COG4: variants seen among roughly 807,000 people sequenced by gnomAD.
COG4 encodes the protein component of oligomeric golgi complex 4, also known as conserved oligomeric Golgi complex subunit 4.
In COG4, 65 loss-of-function variants were observed where a neutral mutation model predicts 95.1. That is an observed-to-expected ratio of 0.68 (90% CI 0.56 to 0.84). COG4 has a LOEUF of 0.84. Ranked by LOEUF, COG4 falls within the 40% of genes least tolerant of loss-of-function variation. The pLI, the probability that COG4 is intolerant of heterozygous loss-of-function variation, is 0.00. For missense variants in COG4, 1,045 were observed against 989.1 expected (o/e 1.06, Z -0.76); for synonymous variants, 421 against 374.8 (o/e 1.12, Z -1.42).
chr16:70,498,243 T>C (rs775651130), intron 9 of COG4, among the ~76,000 whole-genome samples, 188 bp from the exon 10 acceptor site: 1 of 152,066 alleles, frequency 6.6e-6, no homozygotes, highest in African/African-American at 2.4e-5. Context: ...ATATTTTCCA[T>C]GTTTTCACCT....
chr16:70,506,106 C>A (rs2049560610), intron 8 of COG4, among the ~76,000 whole-genome samples: 1 of 150,130 alleles, frequency 6.7e-6, no homozygotes, highest in African/African-American at 2.5e-5. Flanking sequence ...AATGGCAAAA[C>A]CTCATCTCAG....
chr16:70,510,517 G>A (rs1173778616), intron 5 of COG4, among the ~76,000 whole-genome samples: 1 of 151,610 alleles, frequency 6.6e-6, no homozygotes, highest in Non-Finnish European at 1.5e-5. Context: ...TAGAGATGGG[G>A]TCCTGCTATG....
chr16:70,482,355 C>T, intron 15 of COG4, 180 bp from the exon 16 acceptor site: 1 of 680,986 alleles, frequency 1.5e-6, no homozygotes, highest in Non-Finnish European at 2.7e-6. Flanking sequence ...CAGCAAACAG[C>T]CCAGGGCTGT....
intron 8 of COG4, among the ~76,000 whole-genome samples, chr16:70,504,228 G>A (rs1201230361): frequency 6.6e-6 from 1 of 152,046 alleles, no homozygotes; most frequent in Non-Finnish European, 1.5e-5. Flanking sequence ...TACCCCCCTG[G>A]GGTATTTTAG....
intron 13 of COG4, among the ~76,000 whole-genome samples, chr16:70,485,442 G>A (rs1395866178): frequency 4.0e-5 from 6 of 151,660 alleles, no homozygotes; most frequent in Non-Finnish European, 8.8e-5. Flanking sequence ...GACCTCAGGT[G>A]ATCCACCCGC....
Position 70,480,752 on chromosome 16 carries a change from G to A in COG4, c.*258C>T, listed in dbSNP as rs547912487. 26 of 523,776 alleles carry A rather than the reference G, an allele frequency of 5.0e-5. No individual in the cohort carries two copies. The highest frequency in any genetic ancestry group is 4.3e-4 in the South Asian group (21 of 48,860). The allele number at this position is 523,776 out of a possible 1,614,324, so 32.4% of individuals were successfully genotyped here. ...TGCAGAAAGCTGGCCTGGGCTGCTCGCTGCCTGCCGTGGCTTTCCCACCTC... is the reference window on the plus strand; with the variant it reads ...TGCAGAAAGCTGGCCTGGGCTGCTCACTGCCTGCCGTGGCTTTCCCACCTC... On this transcript the variant is annotated 3_prime_UTR_variant, in exon 19 of 19. Coordinates refer to ENST00000323786, the MANE Select transcript of COG4 (RefSeq NM_015386.3).
chr16:70,492,447 T>C (rs1199935383), intron 12 of COG4, among the ~76,000 whole-genome samples: 1 of 151,846 alleles, frequency 6.6e-6, no homozygotes, highest in Admixed American at 6.6e-5. Context: ...TCACCTGAGG[T>C]TGGGAGTTCG....
intron 7 of COG4, chr16:70,509,016 C>T (rs2049639942): frequency 1.4e-5 from 9 of 621,662 alleles, no homozygotes; most frequent in South Asian, 1.3e-4. Context: ...TTTTTATTTC[C>T]GTTTTGGTCT....
At chr16:70,483,582 C>T (rs921808086) in intron 14 of COG4, among the ~76,000 whole-genome samples, 2 of 152,150 alleles carry the variant, frequency 1.3e-5, no homozygotes, top group African/African-American at 4.8e-5. Context: ...GCTCCACTTC[C>T]TCTGAGCATC....
rs748356993 is a variant in COG4 at position 70,508,414 on chromosome 16, G to A, written c.1053C>T (p.Ile351=). The change falls in exon 8 of 19, where the codon ATC becomes ATT. Residue 351 remains isoleucine (I), a synonymous_variant. Transcript: ENST00000323786. ...NLMRNSTTEK[I]EPRELDPILT... is the part of the protein sequence containing the mutation. The stretch of plus-strand genomic sequence containing the variant: ...GAGAGAAGGATTATTACCTTGGTTC[G>A]ATTTTTTCTGTTGTAGAATTTCTCA... 7.4e-6 allele frequency: 12 copies of A among 1,613,568 alleles called. No individual in the cohort carries two copies. The highest frequency in any genetic ancestry group is 1.6e-4 in the Middle Eastern group (1 of 6,084).
At position 70,481,140 on chromosome 16, in the gene COG4, G is replaced by T. The variant is rs201649488; in HGVS notation, c.2240C>A (p.Thr747Asn). ...MATILNLERV[T>N]EILDYWGPNS... is the part of the protein sequence containing the mutation. ...GGGTCCCCAGTAATCGAGGATCTCG[G>T]TCACCTGTGGGGAAGGACATAGAGA... Residue 747 changes from threonine (T) to asparagine (N), a missense_variant, in exon 19 of 19, where the codon ACC becomes AAC. By Grantham distance (65) the Thr-to-Asn change is moderately conservative. Coordinates refer to ENST00000323786, the MANE Select transcript of COG4 (RefSeq NM_015386.3). 8 of 1,613,362 alleles carry T rather than the reference G, an allele frequency of 5.0e-6. No homozygotes were observed. In the East Asian group the frequency reaches 1.8e-4, roughly 36 times the overall value.
Position 70,488,071 on chromosome 16 carries a change from C to T in COG4, c.1710+2259G>A, listed in dbSNP as rs147693631. ...AACTCCTGACCTCAGGTAATCCTCCCGCCTTGGCATCCCAAAGTGCTGGGG... is the reference window on the plus strand; with the variant it reads ...AACTCCTGACCTCAGGTAATCCTCCTGCCTTGGCATCCCAAAGTGCTGGGG... On this transcript the variant is annotated intron_variant, in intron 13 of 18. Coordinates refer to ENST00000323786, the MANE Select transcript of COG4 (RefSeq NM_015386.3). Among the ~76,000 whole-genome samples the T allele has an allele frequency of 2.8e-3, 419 of 152,000 alleles. 1 individual carries two copies. Among genetic ancestry groups the T allele is most frequent in the Admixed American group, 0.012 (189 of 15,266 alleles).
chr16:70,503,287 A>G (rs1035051834), intron 8 of COG4, among the ~76,000 whole-genome samples: 1 of 152,166 alleles, frequency 6.6e-6, no homozygotes, highest in African/African-American at 2.4e-5. Flanking sequence ...CCTGGGCTCA[A>G]GTGATCTGCC....
intron 5 of COG4, 75 bp downstream of exon 5, chr16:70,512,164 A>G: frequency 7.3e-7 from 1 of 1,362,460 alleles, no homozygotes; most frequent in Non-Finnish European, 1.0e-6. Flanking sequence ...ATCCACAGAA[A>G]CTGGATCCAT....
In COG4 at chr16:70,513,947, C is replaced by A. The variant is rs567725509; in HGVS notation, c.544+388G>T. ...TCCTGGCTGGGCGCAGTAGCTTACACCTGTAATCCCAGCACTTTGGGAGGC... is the reference window on the plus strand; with the variant it reads ...TCCTGGCTGGGCGCAGTAGCTTACAACTGTAATCCCAGCACTTTGGGAGGC... On this transcript the variant is annotated intron_variant, in intron 4 of 18. Coordinates refer to ENST00000323786, the MANE Select transcript of COG4 (RefSeq NM_015386.3). Among the ~76,000 whole-genome samples, 6 of 152,314 alleles carry A rather than the reference C, an allele frequency of 3.9e-5. No homozygotes were observed. In the East Asian group the frequency reaches 1.2e-3, roughly 29 times the overall value.
At chr16:70,510,682 C>A (rs966199590) in intron 5 of COG4, among the ~76,000 whole-genome samples, 3 of 151,714 alleles carry the variant, frequency 2.0e-5, no homozygotes, top group African/African-American at 7.3e-5. Context: ...GCAGAAGGGA[C>A]TTTTACTGGA....
intron 6 of COG4, 68 bp from the exon 7 acceptor site, chr16:70,509,456 C>T: frequency 3.2e-6 from 5 of 1,561,186 alleles, no homozygotes; most frequent in Non-Finnish European, 4.4e-6. Flanking sequence ...TGCTCCCATC[C>T]AGGACTAACC....
chr16:70,489,797 G>A (rs1194799677), intron 13 of COG4, among the ~76,000 whole-genome samples: 2 of 152,072 alleles, frequency 1.3e-5, no homozygotes, highest in South Asian at 2.1e-4. Context: ...AAGGTCACAC[G>A]CCAACTATGT....
chr16:70,517,017 A>G (rs933495897), intron 3 of COG4, among the ~76,000 whole-genome samples: 20 of 151,762 alleles, frequency 1.3e-4, no homozygotes, highest in African/African-American at 4.1e-4. Flanking sequence ...AGCCTGCCTC[A>G]GTCTCCCAAA....
Sources: gnomAD v4.1 joint callset for allele counts (sites outside exome capture counted in the v4.1 genomes callset) on GRCh38, gnomAD v4.1.1 for gene constraint, MANE v1.5 for transcripts, NCBI Gene and HGNC (gene_info 2026-07-23, HGNC 2026-07-21) for gene names.